The following ANO3 variants were observed in gnomAD, a reference collection of about 807,000 sequenced individuals.
The protein encoded by ANO3 is anoctamin 3.
A neutral mutation model predicts 144.8 loss-of-function variants in ANO3; 99 were observed. The ratio of observed to expected loss-of-function variants is 0.68; its 90% CI spans 0.58 to 0.81. The LOEUF is 0.81. Ranked by LOEUF, ANO3 falls within the 30% of genes least tolerant of loss-of-function variation. ANO3 has a pLI of 0.00. For synonymous variants in ANO3, 414 were observed against 392.6 expected, an observed-to-expected ratio of 1.05 and a Z score of -0.64; for missense variants, 905 against 1,202.2, an observed-to-expected ratio of 0.75 and a Z score of 3.66.
upstream of ANO3, among the ~76,000 whole-genome samples, chr11:26,306,005 C>A (rs1206686435): frequency 1.3e-5 from 2 of 152,130 alleles, no homozygotes; most frequent in Non-Finnish European, 2.9e-5. Flanking sequence ...GTCGCCCAGG[C>A]TGGAGTGCAG....
At chr11:26,590,671 C>T (rs746110596) in intron 14 of ANO3, among the ~76,000 whole-genome samples, 27 of 152,322 alleles carry the variant, frequency 1.8e-4, no homozygotes, top group Non-Finnish European at 2.6e-4. Flanking sequence ...TCAATTAGGA[C>T]GAACCCGAGC....
At chr11:26,492,066 T>C (rs1860730918) in intron 4 of ANO3, among the ~76,000 whole-genome samples, 1 of 152,190 alleles carries the variant, frequency 6.6e-6, no homozygotes, top group African/African-American at 2.4e-5. Context: ...CTCACTCCAA[T>C]GTGGATAAGC....
intron 20 of ANO3, 52 bp downstream of exon 20, chr11:26,635,122 T>C: frequency 6.6e-7 from 1 of 1,507,716 alleles, no homozygotes; most frequent in Non-Finnish European, 9.2e-7. Flanking sequence ...TATGGGCCAG[T>C]TACTGCGGGA....
intron 17 of ANO3, among the ~76,000 whole-genome samples, chr11:26,622,851 A>G (rs1852461020): frequency 6.6e-6 from 1 of 152,228 alleles, no homozygotes; most frequent in Admixed American, 6.5e-5. Context: ...CACAAGCCAA[A>G]TGGCAATTAT....
chr11:26,601,535 A>T (rs1851799202), intron 17 of ANO3, among the ~76,000 whole-genome samples: 2 of 74,344 alleles, frequency 2.7e-5, no homozygotes, highest in African/African-American at 7.0e-5. Context: ...TGTATAATAA[A>T]CATTGAAAAA....
At chr11:26,445,260 A>C (rs1213382216) in intron 3 of ANO3, among the ~76,000 whole-genome samples, 1 of 152,202 alleles carries the variant, frequency 6.6e-6, no homozygotes, top group Non-Finnish European at 1.5e-5. Context: ...AAATAAGAAC[A>C]AAAAACAAAC....
At chr11:26,598,836 A>G (rs1851713551) in intron 15 of ANO3, 22 bp from the exon 16 acceptor site, 6 of 1,604,382 alleles carry the variant, frequency 3.7e-6, no homozygotes, top group East Asian at 4.5e-5. Context: ...TGATATTTAG[A>G]TAACTTTCGT....
At chr11:26,379,387 T>C (rs924874387) in intron 1 of ANO3, among the ~76,000 whole-genome samples, 2 of 152,142 alleles carry the variant, frequency 1.3e-5, no homozygotes, top group Non-Finnish European at 2.9e-5. Flanking sequence ...CTGTGAAGGA[T>C]AGAGTGTAAG....
At chr11:26,536,608 T>G (rs1389404888) in intron 9 of ANO3, among the ~76,000 whole-genome samples, 1 of 152,014 alleles carries the variant, frequency 6.6e-6, no homozygotes, top group Non-Finnish European at 1.5e-5. Context: ...CGTTTATAAT[T>G]TTCAGGTTTT....
intron 1 of ANO3, among the ~76,000 whole-genome samples, chr11:26,254,546 T>A (rs545678648): frequency 6.6e-6 from 1 of 152,290 alleles, no homozygotes; most frequent in African/African-American, 2.4e-5. Flanking sequence ...ATGCTTGGGA[T>A]TAGTCTTACT....
At position 26,547,979 on chromosome 11, in the gene ANO3, TG is replaced by T. The variant is rs1369438409; in HGVS notation, c.1289+432del. 3.3e-5 allele frequency among the ~76,000 whole-genome samples: 5 copies of T among 152,046 alleles called. No homozygotes were observed. In the East Asian group the frequency reaches 9.7e-4, roughly 29 times the overall value. On this transcript the variant is annotated intron_variant, in intron 12 of 26. Transcript: ENST00000256737. ...TTTGCTATAACCTTCACTACCACCC[TG>T]GGAGATGCATAGCTCTTTTTGCACA...
At chr11:26,297,372 A>C (rs1356796490) in intron 1 of ANO3, among the ~76,000 whole-genome samples, 1 of 152,138 alleles carries the variant, frequency 6.6e-6, no homozygotes, top group Non-Finnish European at 1.5e-5. Flanking sequence ...ACAGACAAAC[A>C]CTTGTGGGCC....
At chr11:26,361,072 G>A (rs1474140074) in intron 1 of ANO3, among the ~76,000 whole-genome samples, 2 of 152,130 alleles carry the variant, frequency 1.3e-5, no homozygotes, top group Non-Finnish European at 2.9e-5. Context: ...TGGTTTCCAG[G>A]AGTCAGGAAA....
At chr11:26,597,688 A>C (rs1851676155) in intron 14 of ANO3, among the ~76,000 whole-genome samples, 1 of 152,192 alleles carries the variant, frequency 6.6e-6, no homozygotes, top group South Asian at 2.1e-4. Flanking sequence ...AGTACCACAG[A>C]TTTCTAAAAC....
intron 1 of ANO3, among the ~76,000 whole-genome samples, chr11:26,396,459 G>T (rs928069676): frequency 7.2e-5 from 11 of 152,006 alleles, no homozygotes; most frequent in South Asian, 4.2e-4. Flanking sequence ...TACATAAAGG[G>T]TTATAAATCA....
chr11:26,373,178 G>A (rs1017339576), intron 1 of ANO3, among the ~76,000 whole-genome samples: 5 of 152,078 alleles, frequency 3.3e-5, no homozygotes. Context: ...TTATAGAGTA[G>A]CAGGTGATAT....
intron 1 of ANO3, among the ~76,000 whole-genome samples, chr11:26,310,079 G>C (rs1359140627): frequency 6.6e-6 from 1 of 152,042 alleles, no homozygotes; most frequent in Non-Finnish European, 1.5e-5. Context: ...CAAATCATTT[G>C]ATATACACAT....
chr11:26,302,525 A>G (rs986912921), intron 1 of ANO3, among the ~76,000 whole-genome samples: 1 of 152,080 alleles, frequency 6.6e-6, no homozygotes, highest in Non-Finnish European at 1.5e-5. Context: ...AGGAAAAATG[A>G]CAGAAGTCAA....
In ANO3 at chr11:26,271,729, A is replaced by G. The variant is rs533968633; in HGVS notation, c.155-37916A>G. On this transcript the variant is annotated intron_variant, in intron 1 of 27. Transcript: ENST00000672621. ...TGCTGCTTTAAGACTTTGCTGTCCA[A>G]TTTTATCGTGTTTTTCTTCTAAAAT... is the stretch of plus-strand genomic sequence containing the variant. 9.9e-5 allele frequency among the ~76,000 whole-genome samples: 13 copies of G among 131,012 alleles called. No individual in the cohort carries two copies. In the South Asian group the frequency reaches 2.8e-3, roughly 29 times the overall value. 85.9% of individuals were successfully genotyped at this position (131,012 alleles called of 152,430 possible).
Sources: allele counts gnomAD v4.1 joint callset (sites outside exome capture counted in the v4.1 genomes callset), GRCh38; gene constraint gnomAD v4.1.1; transcripts MANE v1.5; gene names NCBI Gene and HGNC (gene_info 2026-07-23, HGNC 2026-07-21).